The following SPDYA variants were observed in gnomAD, a reference collection of about 807,000 sequenced individuals.
SPDYA encodes the protein speedy protein A.
A neutral mutation model predicts 36.7 loss-of-function variants in SPDYA; 11 were observed. The ratio of observed to expected loss-of-function variants is 0.30; its 90% CI spans 0.19 to 0.50. The LOEUF (loss-of-function observed/expected upper bound fraction) is 0.50. SPDYA is among the 20% of genes least tolerant of loss of function. The pLI is 0.98. For synonymous variants in SPDYA, 115 were observed against 118.7 expected, an observed-to-expected ratio of 0.97 and a Z score of 0.20; for missense variants, 287 against 370.9, an observed-to-expected ratio of 0.77 and a Z score of 1.86.
chr2:28,837,789 T>A (rs972913189), intron 6 of SPDYA, among the ~76,000 whole-genome samples: 2 of 150,468 alleles, frequency 1.3e-5, no homozygotes, highest in African/African-American at 4.9e-5. Context: ...TATCCCTGTC[T>A]GCTCCCCATT....
At chr2:28,829,649 A>G (rs1668424040) in intron 6 of SPDYA, among the ~76,000 whole-genome samples, 2 of 151,984 alleles carry the variant, frequency 1.3e-5, no homozygotes, top group South Asian at 4.2e-4. Context: ...TTCTACTGAA[A>G]ATACAAAAAT....
intron 5 of SPDYA, among the ~76,000 whole-genome samples, chr2:28,826,941 TTTTC>T (rs922206699): frequency 6.1e-5 from 9 of 147,838 alleles, no homozygotes; most frequent in African/African-American, 1.3e-4. Flanking sequence ...TTCTTTTTTC[TTTTC>T]TTTCTTTTTT....
intron 5 of SPDYA, among the ~76,000 whole-genome samples, chr2:28,824,227 C>T (rs1467876983): frequency 1.1e-4 from 16 of 151,842 alleles, no homozygotes; most frequent in Non-Finnish European, 1.5e-5. Context: ...CCTGTAATCC[C>T]AGCACTTTGG....
chr2:28,829,070 T>C, intron 5 of SPDYA, 78 bp from the exon 6 acceptor site: 1 of 1,313,100 alleles, frequency 7.6e-7, no homozygotes, highest in Non-Finnish European at 1.0e-6. Context: ...ATAAACCACT[T>C]TTATGTCTTG....
intron 7 of SPDYA, among the ~76,000 whole-genome samples, chr2:28,845,421 C>A (rs548972295): frequency 6.6e-6 from 1 of 152,122 alleles, no homozygotes; most frequent in Admixed American, 6.6e-5. Flanking sequence ...TTAATGATAT[C>A]TTCAAGTTAC....
intron 1 of SPDYA, among the ~76,000 whole-genome samples, chr2:28,812,364 G>A (rs2148072184): frequency 6.6e-6 from 1 of 151,714 alleles, no homozygotes; most frequent in Admixed American, 6.6e-5. Context: ...GACAACTTCT[G>A]CTTGTTTCAT....
At chr2:28,839,402 A>C (rs1055138643) in intron 6 of SPDYA, among the ~76,000 whole-genome samples, 16 of 152,170 alleles carry the variant, frequency 1.1e-4, no homozygotes, top group African/African-American at 3.4e-4. Flanking sequence ...AGCGAGGTTA[A>C]ATAACTTACC....
intron 5 of SPDYA, 45 bp downstream of exon 5, chr2:28,822,455 T>C (rs1668191152): frequency 9.2e-7 from 1 of 1,092,128 alleles, no homozygotes. Context: ...ATCTATTATA[T>C]ACATTACACC....
chr2:28,822,161 A>G (rs558530891), intron 4 of SPDYA, among the ~76,000 whole-genome samples, 164 bp from the exon 5 acceptor site: 5 of 152,208 alleles, frequency 3.3e-5, no homozygotes, highest in Non-Finnish European at 7.4e-5. Flanking sequence ...CACTGTTCAC[A>G]TGGTGGATTA....
chr2:28,836,533 CT>C (rs1422227817), intron 6 of SPDYA, among the ~76,000 whole-genome samples: 2 of 152,098 alleles, frequency 1.3e-5, no homozygotes, highest in East Asian at 3.9e-4. Context: ...GTAATTGTCT[CT>C]TTTCTTTTTT....
intron 1 of SPDYA, among the ~76,000 whole-genome samples, chr2:28,814,279 T>G (rs1042384743): frequency 1.3e-5 from 2 of 152,224 alleles, no homozygotes; most frequent in African/African-American, 2.4e-5. Context: ...CATTTCACTT[T>G]TACTGTTGAA....
intron 2 of SPDYA, among the ~76,000 whole-genome samples, chr2:28,815,221 G>T (rs2148074696): frequency 6.6e-6 from 1 of 151,184 alleles, no homozygotes; most frequent in South Asian, 2.1e-4. Context: ...GGTCGAGGCT[G>T]CAGTGAGCCG....
At chr2:28,839,908 A>T (rs1668708978) in intron 6 of SPDYA, among the ~76,000 whole-genome samples, 1 of 152,236 alleles carries the variant, frequency 6.6e-6, no homozygotes, top group Admixed American at 6.5e-5. Flanking sequence ...TTAAAAAATA[A>T]ATACCCTGAC....
chr2:28,850,088 TAAGTC>T lies in SPDYA; in HGVS notation c.*149_*153del. 3 of 1,175,472 alleles carry T rather than the reference TAAGTC, an allele frequency of 2.6e-6. No individual in the cohort carries two copies. In the South Asian group the frequency reaches 4.1e-5, roughly 16 times the overall value. The allele number at this position is 1,175,472 out of a possible 1,614,324, so 72.8% of individuals were successfully genotyped here. On this transcript the variant is annotated 3_prime_UTR_variant, in exon 8 of 8. Transcript: ENST00000334056. ...TTCAAAATTATATGTATAAGTTATATAAGTCATAGTAATAGCTAAAAATGCCAATC... is the reference window on the plus strand; with the variant it reads ...TTCAAAATTATATGTATAAGTTATATATAGTAATAGCTAAAAATGCCAATC...
intron 7 of SPDYA, among the ~76,000 whole-genome samples, chr2:28,844,360 G>C (rs1382904111): frequency 6.6e-6 from 1 of 152,196 alleles, no homozygotes; most frequent in Admixed American, 6.5e-5. Flanking sequence ...ATAGCAGACA[G>C]AAGTTTGAAA....
intron 3 of SPDYA, among the ~76,000 whole-genome samples, chr2:28,816,964 G>T (rs1433988011): frequency 6.6e-6 from 1 of 152,020 alleles, no homozygotes; most frequent in Admixed American, 6.6e-5. Context: ...AAGTCAAGTA[G>T]ATGCTACAGT....
rs1667956946 is a variant in SPDYA at position 28,815,281 on chromosome 2, GAAAC to G, written c.-19+597_-19+600del. Among the ~76,000 whole-genome samples, 4 of 104,198 alleles carry G rather than the reference GAAAC, an allele frequency of 3.8e-5. 1 individual carries two copies. The South Asian group carries it at 1.4e-3, about 36-fold the overall frequency. The allele number at this position is 104,198 out of a possible 152,430, so 68.4% of individuals were successfully genotyped here. ...TGGGTGACAGAGCAAGACCCTGTCT[GAAAC>G]ACACACACACACACACACACACACA... On this transcript the variant is annotated intron_variant, in intron 2 of 7. Transcript: ENST00000334056.
At chr2:28,832,074 C>A (rs1033247018) in intron 6 of SPDYA, among the ~76,000 whole-genome samples, 1 of 152,220 alleles carries the variant, frequency 6.6e-6, no homozygotes, top group Non-Finnish European at 1.5e-5. Context: ...CACTACATTT[C>A]TCTGCTTTGC....
Position 28,811,192 on chromosome 2 carries a change from T to A in SPDYA, c.-93+245T>A, listed in dbSNP as rs936119897. 2 of 152,368 alleles carry A rather than the reference T, an allele frequency of 1.3e-5. No homozygotes were observed. Among genetic ancestry groups the A allele is most frequent in the Admixed American group, 6.5e-5 (1 of 15,280 alleles). 9.4% of individuals were successfully genotyped at this position (152,368 alleles called of 1,614,324 possible). ...GCGAGGGAGGCAGTGGCCGCGCAGG[T>A]TGGGGCTTTGGCCGCCCTCCGCCCG... On this transcript the variant is annotated intron_variant, in intron 1 of 7. Coordinates refer to ENST00000334056, the MANE Select transcript of SPDYA (RefSeq NM_182756.4). This position sits in a 1 kb window ranked among gnomAD's most constrained non-coding sequence, Gnocchi z 4.2.
Sources: gnomAD v4.1 joint callset for allele counts (sites outside exome capture counted in the v4.1 genomes callset) on GRCh38, gnomAD v4.1.1 for gene constraint, Gnocchi (gnomAD v3.1) non-coding constraint, MANE v1.5 for transcripts, NCBI Gene and HGNC (gene_info 2026-07-23, HGNC 2026-07-21) for gene names.